The following STXBP4 variants were observed in gnomAD, a reference collection of about 807,000 sequenced individuals.
STXBP4 encodes syntaxin-binding protein 4.
STXBP4 carries 55 observed loss-of-function variants against 76.1 expected under a neutral mutation model. The ratio of observed to expected loss-of-function variants is 0.72; its 90% CI spans 0.58 to 0.91. The LOEUF (loss-of-function observed/expected upper bound fraction) is 0.91, where lower values mean the gene tolerates loss of function less well. STXBP4 is among the 40% of genes least tolerant of loss of function. The pLI, the probability that STXBP4 is intolerant of heterozygous loss-of-function variation, is 0.00. For synonymous variants in STXBP4, 201 were observed against 220.2 expected, an observed-to-expected ratio of 0.91 and a Z score of 0.77; for missense variants, 618 against 636.9, an observed-to-expected ratio of 0.97 and a Z score of 0.32.
chr17:55,128,925 CTTTTTTTTTTT>C (rs35073950), intron 16 of STXBP4, among the ~76,000 whole-genome samples: 1 of 86,276 alleles, frequency 1.2e-5, no homozygotes, highest in Non-Finnish European at 2.1e-5. Context: ...TGTAAGGATT[CTTTTTTTTTTT>C]TTTTTTTTTT....
the STXBP4 span, among the ~76,000 whole-genome samples, chr17:55,190,260 T>G: frequency 2.0e-5 from 3 of 152,124 alleles, no homozygotes; most frequent in Non-Finnish European, 4.4e-5. Flanking sequence ...CTCAGAGAGC[T>G]CACAAGCTCT....
At chr17:55,005,478 A>C (rs1346121608) in intron 7 of STXBP4, among the ~76,000 whole-genome samples, 1 of 152,224 alleles carries the variant, frequency 6.6e-6, no homozygotes, top group African/African-American at 2.4e-5. Context: ...TTTAGATAGA[A>C]GTAAGCATAA....
chr17:55,175,381 G>T (rs2080426087), downstream of STXBP4, among the ~76,000 whole-genome samples: 1 of 152,202 alleles, frequency 6.6e-6, no homozygotes, highest in Non-Finnish European at 1.5e-5. Context: ...GTCTATGTCT[G>T]TATAATAAGG....
Position 55,047,163 on chromosome 17 carries a change from A to T in STXBP4, c.1011+9A>T, listed in dbSNP as rs775206621. On this transcript the variant is annotated intron_variant, in intron 12 of 17. Coordinates refer to ENST00000376352, the MANE Select transcript of STXBP4 (RefSeq NM_178509.6). ...TCCAGAATGTGAAACAAGTAAGTATATGTATTGTGTATATATGTGCTCGTG... is the reference window on the plus strand; with the variant it reads ...TCCAGAATGTGAAACAAGTAAGTATTTGTATTGTGTATATATGTGCTCGTG... 7 of 1,560,862 alleles carry T rather than the reference A, an allele frequency of 4.5e-6. No individual in the cohort carries two copies. In the Middle Eastern group the frequency reaches 5.0e-4, roughly 112 times the overall value.
At chr17:55,039,118 G>A (rs1004291841) in intron 10 of STXBP4, among the ~76,000 whole-genome samples, 3 of 152,122 alleles carry the variant, frequency 2.0e-5, no homozygotes, top group African/African-American at 7.2e-5. Context: ...CATATTTTAA[G>A]GAAAAGTCAT....
At chr17:55,194,520 G>A in the STXBP4 span, among the ~76,000 whole-genome samples, 7 of 152,244 alleles carry the variant, frequency 4.6e-5, no homozygotes, top group East Asian at 1.2e-3. Flanking sequence ...GCATGGAACC[G>A]GTCTAAATAT....
chr17:55,195,648 C>T, the STXBP4 span, among the ~76,000 whole-genome samples: 1 of 152,148 alleles, frequency 6.6e-6, no homozygotes, highest in Non-Finnish European at 1.5e-5. Context: ...TTTGCCCAGG[C>T]TGGTCTTGAA....
intron 10 of STXBP4, among the ~76,000 whole-genome samples, chr17:55,037,454 G>C (rs1003358763): frequency 3.3e-5 from 5 of 151,842 alleles, no homozygotes; most frequent in Non-Finnish European, 7.4e-5. Flanking sequence ...TTTTAGGGCA[G>C]ATAAGAATGT....
At position 55,160,207 on chromosome 17, in the gene STXBP4, T is replaced by G. The variant is rs909539537; in HGVS notation, c.*296T>G. The G allele has an allele frequency of 6.3e-5, 11 of 173,720 alleles. No homozygotes were observed. The highest frequency in any genetic ancestry group is 9.7e-5 in the Non-Finnish European group (8 of 82,580). 10.8% of individuals were successfully genotyped at this position (173,720 alleles called of 1,614,324 possible). On this transcript the variant is annotated 3_prime_UTR_variant, in exon 18 of 18. Transcript: ENST00000376352. ...TTTCATATATAATTAGATCTTTCTTTGTAATTTCATATGTAGTTCTTCATA... is the reference window on the plus strand; with the variant it reads ...TTTCATATATAATTAGATCTTTCTTGGTAATTTCATATGTAGTTCTTCATA...
chr17:55,068,922 T>C (rs1428931067), intron 12 of STXBP4, among the ~76,000 whole-genome samples: 1 of 152,118 alleles, frequency 6.6e-6, no homozygotes, highest in East Asian at 1.9e-4. Context: ...AAAAGTACTG[T>C]ATGTGGAAAA....
intron 1 of STXBP4, among the ~76,000 whole-genome samples, chr17:54,978,796 A>G (rs2077507335): frequency 6.6e-6 from 1 of 152,216 alleles, no homozygotes; most frequent in Non-Finnish European, 1.5e-5. Flanking sequence ...AAATAAAAAT[A>G]GTAGTTCCAA....
At chr17:55,104,426 A>G (rs755386085) in intron 16 of STXBP4, among the ~76,000 whole-genome samples, 4 of 152,094 alleles carry the variant, frequency 2.6e-5, no homozygotes, top group Non-Finnish European at 4.4e-5. Context: ...GATGGATTAC[A>G]TTTATTGATT....
At chr17:55,077,686 C>CGTGTGTGT (rs10690646) in intron 13 of STXBP4, among the ~76,000 whole-genome samples, 3,996 of 134,020 alleles carry the variant, frequency 0.03, 85 homozygotes, top group Admixed American at 0.033. Context: ...TGTCTTACAT[C>CGTGTGTGT]GTGTGTGTGT....
chr17:55,149,923 C>T (rs1195775985), intron 17 of STXBP4, among the ~76,000 whole-genome samples: 3 of 152,112 alleles, frequency 2.0e-5, no homozygotes. Flanking sequence ...GCATCAAAGC[C>T]CCTTTTCCCC....
chr17:55,007,419 A>G, intron 7 of STXBP4, 87 bp from the exon 8 acceptor site: 2 of 895,198 alleles, frequency 2.2e-6, no homozygotes, highest in Non-Finnish European at 3.6e-6. Context: ...TTATTTTTGA[A>G]CAGCAGGAAC....
the STXBP4 span, among the ~76,000 whole-genome samples, chr17:55,198,314 G>A: frequency 6.6e-6 from 1 of 152,132 alleles, no homozygotes; most frequent in African/African-American, 2.4e-5. Flanking sequence ...GGAAAGTTGG[G>A]GTTTTCCTTT....
chr17:55,004,704 T>C (rs2144523128), intron 7 of STXBP4, among the ~76,000 whole-genome samples: 1 of 141,704 alleles, frequency 7.1e-6, no homozygotes, highest in South Asian at 2.2e-4. Flanking sequence ...AAGACGCCTC[T>C]AAAGAAAGGA....
intron 1 of STXBP4, among the ~76,000 whole-genome samples, chr17:54,970,038 T>A (rs1190505637): frequency 2.6e-5 from 4 of 152,096 alleles, no homozygotes; most frequent in Non-Finnish European, 5.9e-5. Context: ...GATAAGGAGC[T>A]ACCTACTCAA....
intron 16 of STXBP4, among the ~76,000 whole-genome samples, chr17:55,102,519 T>G (rs1365867687): frequency 6.6e-6 from 1 of 152,208 alleles, no homozygotes; most frequent in African/African-American, 2.4e-5. Flanking sequence ...CTTTATCCAG[T>G]CTATCATTGA....
Sources: allele counts gnomAD v4.1 joint callset (sites outside exome capture counted in the v4.1 genomes callset), GRCh38; gene constraint gnomAD v4.1.1; transcripts MANE v1.5; gene names NCBI Gene and HGNC (gene_info 2026-07-23, HGNC 2026-07-21).